Variants in ADCY1 observed in about 807,000 individuals in gnomAD.
The protein encoded by ADCY1 is adenylate cyclase 1.
Under a neutral mutation model 105.4 loss-of-function variants are expected in ADCY1, and 28 were observed. The ratio of observed to expected loss-of-function variants is 0.27; its 90% CI spans 0.20 to 0.36. ADCY1 has a LOEUF of 0.36. ADCY1 is among the 10% of genes least tolerant of loss of function. The probability of loss-of-function intolerance (pLI) is 1.00; values close to 1 mark genes in which losing one functional copy is unlikely to be tolerated. For synonymous variants in ADCY1, 655 were observed against 623.8 expected (o/e 1.05, Z -0.75); for missense variants, 977 against 1,434.2 (o/e 0.68, Z 5.15).
chr7:45,637,856 A>G (rs1428721458), intron 4 of ADCY1, among the ~76,000 whole-genome samples: 2 of 152,240 alleles, frequency 1.3e-5, no homozygotes, highest in African/African-American at 4.8e-5. Flanking sequence ...TTTTCACCAC[A>G]TGGAGAATTC....
chr7:45,580,923 A>G (rs193068873), intron 1 of ADCY1, among the ~76,000 whole-genome samples: 70 of 152,122 alleles, frequency 4.6e-4, no homozygotes, highest in African/African-American at 1.7e-3. Context: ...CGGTGGTTTT[A>G]GGTTGATGTC....
At chr7:45,583,339 A>G (rs1792619253) in intron 1 of ADCY1, among the ~76,000 whole-genome samples, 1 of 152,220 alleles carries the variant, frequency 6.6e-6, no homozygotes, top group Admixed American at 6.5e-5. Context: ...GGATGCTGCC[A>G]GCAGTGTGGT....
chr7:45,595,325 G>C (rs1044807467), intron 2 of ADCY1, among the ~76,000 whole-genome samples: 1 of 152,118 alleles, frequency 6.6e-6, no homozygotes. Context: ...TGGGGCCCAG[G>C]GGGGTTGGGG....
intron 3 of ADCY1, among the ~76,000 whole-genome samples, chr7:45,622,143 C>T (rs966225083): frequency 7.2e-5 from 11 of 152,278 alleles, no homozygotes; most frequent in Admixed American, 2.0e-4. Flanking sequence ...AATTCGGGGA[C>T]TCCCTCCCTT....
intron 8 of ADCY1, among the ~76,000 whole-genome samples, chr7:45,669,997 A>G (rs746114595): frequency 8.5e-5 from 13 of 152,232 alleles, no homozygotes; most frequent in Non-Finnish European, 1.6e-4. Context: ...GTAATAGTAT[A>G]TGGCTAATTA....
At chr7:45,652,255 A>G (rs1350140879) in intron 5 of ADCY1, among the ~76,000 whole-genome samples, 3 of 152,224 alleles carry the variant, frequency 2.0e-5, no homozygotes, top group Non-Finnish European at 4.4e-5. Flanking sequence ...ACAACTGGAC[A>G]TGAGATTTGG....
intron 14 of ADCY1, among the ~76,000 whole-genome samples, chr7:45,693,740 A>G (rs532684086): frequency 6.7e-6 from 1 of 149,026 alleles, no homozygotes; most frequent in Admixed American, 6.7e-5. Context: ...GATAGACTGG[A>G]TTAAGAAAAT....
intron 8 of ADCY1, among the ~76,000 whole-genome samples, chr7:45,662,616 C>T (rs1417885978): frequency 1.3e-5 from 2 of 152,252 alleles, no homozygotes; most frequent in Non-Finnish European, 2.9e-5. Flanking sequence ...CAAGCCTGTG[C>T]CTCATCTGTC....
chr7:45,614,997 G>A, intron 3 of ADCY1, among the ~76,000 whole-genome samples: 1 of 152,132 alleles, frequency 6.6e-6, no homozygotes, highest in East Asian at 1.9e-4. Context: ...AGAAAGCAGA[G>A]GATTTTAATA....
intron 14 of ADCY1, among the ~76,000 whole-genome samples, chr7:45,702,892 G>A (rs1785026208): frequency 6.6e-6 from 1 of 152,226 alleles, no homozygotes; most frequent in Non-Finnish European, 1.5e-5. Context: ...TTGCCTCAAT[G>A]CCCAGAGGGA....
intron 14 of ADCY1, among the ~76,000 whole-genome samples, chr7:45,702,559 G>A (rs1175596831): frequency 1.3e-5 from 2 of 152,254 alleles, no homozygotes; most frequent in African/African-American, 4.8e-5. Context: ...CAGGAGTTGG[G>A]TTCTGTGTGA....
rs199602800 is a variant in ADCY1 at position 45,648,812 on chromosome 7, G to A, written c.1148+15G>A. 6.2e-7 allele frequency: 1 copy of A among 1,611,788 alleles called. No individual in the cohort carries two copies. On this transcript the variant is annotated intron_variant, in intron 5 of 19. Coordinates refer to ENST00000297323, the MANE Select transcript of ADCY1 (RefSeq NM_021116.4). ...GATACCATCACGTAAGTACCCCGTG[G>A]GGCTGAGAGGAGTGGCCTGGGGCAT...
At position 45,711,607 on chromosome 7, in the gene ADCY1, G is replaced by GTATA. The variant is rs71030888; in HGVS notation, c.3057+990_3057+993dup. On this transcript the variant is annotated intron_variant, in intron 19 of 19. Transcript: ENST00000297323. ...CCATCCACCTCCAGAACTTCGTGCT[G>GTATA]TATATATATATATATATATATATAT... is the stretch of plus-strand genomic sequence containing the variant. Among the ~76,000 whole-genome samples, 511 of 70,226 alleles carry GTATA rather than the reference G, an allele frequency of 7.3e-3. 2 individuals carry two copies. Among genetic ancestry groups the GTATA allele is most frequent in the African/African-American group, 0.01 (203 of 19,968 alleles). 46.1% of individuals were successfully genotyped at this position (70,226 alleles called of 152,430 possible).
intron 8 of ADCY1, among the ~76,000 whole-genome samples, chr7:45,676,860 T>C (rs1421814294): frequency 2.0e-5 from 3 of 151,106 alleles, no homozygotes; most frequent in South Asian, 4.2e-4. Context: ...TTTTTTATGG[T>C]CTTTGGCTAC....
rs1785466384 is a variant in ADCY1, at chr7:45,721,268, C to T, written c.*7273C>T. Reference sequence around the variant, plus strand: ...CTTACCTCACATTGCTAAATTAAAGCAATGCAATTCCTCTTGGGTAAGAGG... The same window carrying T: ...CTTACCTCACATTGCTAAATTAAAGTAATGCAATTCCTCTTGGGTAAGAGG... On this transcript the variant is annotated 3_prime_UTR_variant, in exon 20 of 20. Transcript: ENST00000297323. 1 of 155,038 alleles carries T rather than the reference C, an allele frequency of 6.5e-6. No individual in the cohort carries two copies. Among genetic ancestry groups the T allele is most frequent in the Non-Finnish European group, 1.4e-5 (1 of 70,022 alleles). The allele number at this position is 155,038 out of a possible 1,614,324, so 9.6% of individuals were successfully genotyped here.
At chr7:45,627,513 G>C (rs2115952690) in intron 4 of ADCY1, among the ~76,000 whole-genome samples, 1 of 152,336 alleles carries the variant, frequency 6.6e-6, no homozygotes, top group East Asian at 1.9e-4. Context: ...GCACACAATG[G>C]CTATCCCCGC....
chr7:45,647,169 G>T lies in ADCY1; in HGVS notation c.1021-1501G>T, dbSNP rs139998129. On this transcript the variant is annotated intron_variant, in intron 4 of 19. Transcript: ENST00000297323. The surrounding 1 kb of genome is among the most constrained non-coding windows in gnomAD (Gnocchi z 4.6). ...TGAGGGCAGCTCAGGACAACAGCAG[G>T]GTCATCAGCTGTCTGCTCAGCTCTG... 3.3e-5 allele frequency among the ~76,000 whole-genome samples: 5 copies of T among 152,228 alleles called. No homozygotes were observed. Among genetic ancestry groups the T allele is most frequent in the African/African-American group, 2.4e-5 (1 of 41,454 alleles).
chr7:45,629,100 A>G (rs1275798648), intron 4 of ADCY1, among the ~76,000 whole-genome samples: 1 of 152,052 alleles, frequency 6.6e-6, no homozygotes, highest in African/African-American at 2.4e-5. Context: ...GTCTCCTCCC[A>G]CTTCTCATTT....
intron 2 of ADCY1, among the ~76,000 whole-genome samples, chr7:45,597,144 T>C (rs1157168083): frequency 6.6e-6 from 1 of 152,168 alleles, no homozygotes; most frequent in Non-Finnish European, 1.5e-5. Flanking sequence ...AGCAGGGTAC[T>C]GCTGTTCTGA....
Sources: allele counts gnomAD v4.1 joint callset (sites outside exome capture counted in the v4.1 genomes callset), GRCh38; gene constraint gnomAD v4.1.1; non-coding constraint Gnocchi (gnomAD v3.1); transcripts MANE v1.5; gene names NCBI Gene and HGNC (gene_info 2026-07-23, HGNC 2026-07-21).